The following DMD variants were observed in gnomAD, a reference collection of about 807,000 sequenced individuals.
DMD encodes the protein dystrophin, also known as mutant dystrophin.
A neutral mutation model predicts 330.1 loss-of-function variants in DMD; 63 were observed. The ratio of observed to expected loss-of-function variants is 0.19; its 90% CI spans 0.16 to 0.24. The LOEUF is 0.24. DMD is among the 10% of genes least tolerant of loss of function. DMD has a pLI of 1.00. For missense variants in DMD, 3,344 were observed against 2,684.1 expected (o/e 1.25, Z -5.43); for synonymous variants, 1,223 against 959.8 (o/e 1.27, Z -5.07).
intron 49 of DMD, among the ~76,000 whole-genome samples, chrX:31,828,987 TC>T (rs1260283790): frequency 1.8e-5 from 2 of 111,965 alleles, no homozygotes; most frequent in Non-Finnish European, 3.8e-5. Context: ...AACCCAAGTG[TC>T]CATCGACCAA....
intron 7 of DMD, among the ~76,000 whole-genome samples, chrX:32,715,934 A>G (rs987050065): frequency 1.8e-4 from 20 of 112,021 alleles, no homozygotes; most frequent in African/African-American, 5.8e-4. Flanking sequence ...AAAAACAAAA[A>G]GTAACTATGC....
chrX:31,137,816 A>G (rs2035456454), intron 76 of DMD, among the ~76,000 whole-genome samples: 2 of 111,160 alleles, frequency 1.8e-5, no homozygotes, highest in Admixed American at 1.9e-4. Flanking sequence ...CAGAAAGTGG[A>G]GTCTTGGAAG....
intron 44 of DMD, among the ~76,000 whole-genome samples, chrX:32,052,057 T>C (rs2096120130): frequency 8.9e-6 from 1 of 112,280 alleles, no homozygotes; most frequent in Admixed American, 9.5e-5. Context: ...TAGAAATATA[T>C]GCTTTTCTGC....
At chrX:32,863,523 A>AAAAAG (rs2082235942) in intron 2 of DMD, among the ~76,000 whole-genome samples, 1 of 78,379 alleles carries the variant, frequency 1.3e-5, no homozygotes, top group African/African-American at 6.4e-5. Flanking sequence ...AAAAAAAAAA[A>AAAAAG]AAGATTGTGT....
chrX:32,555,136 G>A (rs932231891), intron 16 of DMD, among the ~76,000 whole-genome samples: 2 of 110,672 alleles, frequency 1.8e-5, no homozygotes, highest in Non-Finnish European at 3.8e-5. Flanking sequence ...AGCATGCAAG[G>A]TTAGTTTAAC....
intron 52 of DMD, among the ~76,000 whole-genome samples, chrX:31,689,960 A>G (rs1188147029): frequency 2.7e-5 from 3 of 112,123 alleles, no homozygotes; most frequent in African/African-American, 9.7e-5. Flanking sequence ...ACCATATACA[A>G]AAATTAATTC....
chrX:32,769,373 G>A (rs1301257907), intron 7 of DMD, among the ~76,000 whole-genome samples: 2 of 110,827 alleles, frequency 1.8e-5, no homozygotes, highest in Non-Finnish European at 3.8e-5. Flanking sequence ...AACAGCACGG[G>A]AAAGACCTGC....
intron 7 of DMD, among the ~76,000 whole-genome samples, chrX:32,762,707 A>G (rs1018258276): frequency 9.1e-6 from 1 of 110,140 alleles, no homozygotes; most frequent in Non-Finnish European, 1.9e-5. Context: ...AAGTAAGGGA[A>G]CCAGTGTGAA....
intron 11 of DMD, among the ~76,000 whole-genome samples, chrX:32,642,436 A>G (rs1490939315): frequency 9.0e-6 from 1 of 111,693 alleles, no homozygotes; most frequent in East Asian, 2.8e-4. Flanking sequence ...CTAATTTTTT[A>G]TGTCAATCTC....
chrX:32,423,240 T>G (rs2098197801), intron 29 of DMD, among the ~76,000 whole-genome samples: 1 of 108,210 alleles, frequency 9.2e-6, no homozygotes, highest in Non-Finnish European at 1.9e-5. Context: ...TTTTTTTTTT[T>G]TTGGTAGGCC....
At chrX:31,680,851 A>G (rs1245685124) in intron 52 of DMD, among the ~76,000 whole-genome samples, 2 of 111,825 alleles carry the variant, frequency 1.8e-5, no homozygotes, top group East Asian at 2.8e-4. Context: ...TATTTTTTCT[A>G]TGCAACTTCT....
intron 64 of DMD, among the ~76,000 whole-genome samples, chrX:31,219,571 C>T (rs1353521900): frequency 4.5e-5 from 5 of 110,437 alleles, no homozygotes; most frequent in Non-Finnish European, 9.5e-5. Context: ...CTGCCCAGAT[C>T]CTTCCCTCTA....
At chrX:32,793,017 C>T (rs1207277647) in intron 7 of DMD, among the ~76,000 whole-genome samples, 1 of 111,911 alleles carries the variant, frequency 8.9e-6, no homozygotes, top group African/African-American at 3.2e-5. Context: ...TTCTCATAAG[C>T]ACACAGAACA....
chrX:32,472,781 T>C (rs183576093), intron 21 of DMD, among the ~76,000 whole-genome samples: 163 of 111,226 alleles, frequency 1.5e-3, no homozygotes, highest in African/African-American at 5.1e-3. Flanking sequence ...TCATGTCATG[T>C]CTAATTTTAC....
At chrX:32,817,858 TAA>T (rs746836299) in intron 5 of DMD, among the ~76,000 whole-genome samples, 58 of 112,180 alleles carry the variant, frequency 5.2e-4, no homozygotes, top group Non-Finnish European at 9.2e-4. Context: ...AACATACTTT[TAA>T]AAGATTTGAG....
chrX:33,050,677 C>T (rs1251326835), intron 1 of DMD, among the ~76,000 whole-genome samples: 1 of 111,345 alleles, frequency 9.0e-6, no homozygotes. Context: ...CATCACAAGG[C>T]ACTTCAGCCC....
At chrX:31,247,005 A>T (rs2147405139) in intron 63 of DMD, among the ~76,000 whole-genome samples, 1 of 111,747 alleles carries the variant, frequency 8.9e-6, no homozygotes, top group East Asian at 2.8e-4. Context: ...CTTGGATGAC[A>T]GCGTATCTGT....
intron 55 of DMD, among the ~76,000 whole-genome samples, chrX:31,523,088 A>T (rs1169929349): frequency 9.0e-6 from 1 of 111,075 alleles, no homozygotes; most frequent in Non-Finnish European, 1.9e-5. Flanking sequence ...ACTCTGAGAG[A>T]TCATGATTCT....
At chrX:33,082,714 C>G (rs1479849099) in intron 1 of DMD, among the ~76,000 whole-genome samples, 1 of 111,820 alleles carries the variant, frequency 8.9e-6, no homozygotes, top group African/African-American at 3.3e-5. Context: ...ATGGTAGAAA[C>G]CAAAAGAAAG....
Sources: gnomAD v4.1 joint callset for allele counts (sites outside exome capture counted in the v4.1 genomes callset) on GRCh38, gnomAD v4.1.1 for gene constraint, MANE v1.5 for transcripts, NCBI Gene and HGNC (gene_info 2026-07-23, HGNC 2026-07-21) for gene names.